Variants in RPTOR observed in about 807,000 individuals in gnomAD.
RPTOR encodes the protein regulatory associated protein of MTOR complex 1.
In RPTOR, 21 loss-of-function variants were observed where a neutral mutation model predicts 169.9. The ratio of observed to expected loss-of-function variants is 0.12; its 90% CI spans 0.09 to 0.18. The LOEUF is 0.18. Ranked by LOEUF, RPTOR falls within the 10% of genes least tolerant of loss-of-function variation. The probability of loss-of-function intolerance (pLI) is 1.00; values close to 1 mark genes in which losing one functional copy is unlikely to be tolerated. For synonymous variants in RPTOR, 732 were observed against 753.2 expected (o/e 0.97, Z 0.46); for missense variants, 1,133 against 1,855.9 (o/e 0.61, Z 7.16).
intron 14 of RPTOR, among the ~76,000 whole-genome samples, chr17:80,880,835 C>T (rs2068179111): frequency 6.6e-6 from 1 of 152,134 alleles, no homozygotes; most frequent in South Asian, 2.1e-4. Flanking sequence ...GTGAGCGCCG[C>T]ACGTCTGTAA....
At chr17:80,862,197 G>A (rs1942338709) in intron 13 of RPTOR, among the ~76,000 whole-genome samples, 2 of 152,142 alleles carry the variant, frequency 1.3e-5, no homozygotes, top group South Asian at 4.1e-4. Flanking sequence ...ACTGCCTGCA[G>A]GCATCACAGG....
intron 9 of RPTOR, among the ~76,000 whole-genome samples, chr17:80,829,701 TCTCAGGATGCTTCCCCCA>T (rs1405988593): frequency 1.3e-5 from 2 of 152,246 alleles, no homozygotes; most frequent in East Asian, 3.9e-4. Context: ...TGTGGCCGAG[TCTCAGGATGCTTCCCCCA>T]CTCTTCTTCC....
At position 80,952,343 on chromosome 17, in the gene RPTOR, C is replaced by T. The variant is rs752149752; in HGVS notation, c.3370+2796C>T. ...GCTCTCCATCTTCGTCAGGTGCTCA[C>T]GGAGGGCCCACAGCACATCTGATCT... On this transcript the variant is annotated intron_variant, in intron 28 of 33. Coordinates refer to ENST00000306801, the MANE Select transcript of RPTOR (RefSeq NM_020761.3). 1.0e-3 allele frequency among the ~76,000 whole-genome samples: 156 copies of T among 152,204 alleles called. 1 individual carries two copies. Among genetic ancestry groups the T allele is most frequent in the Non-Finnish European group, 1.8e-3 (122 of 68,034 alleles).
rs540740191 is a variant in RPTOR, at chr17:80,841,282, C to A, written c.1212+3285C>A. Among the ~76,000 whole-genome samples, 21 of 112,198 alleles carry A rather than the reference C, an allele frequency of 1.9e-4. 5 individuals carry two copies. The highest frequency in any genetic ancestry group is 3.5e-4 in the Admixed American group (4 of 11,492). The allele number at this position is 112,198 out of a possible 152,430, so 73.6% of individuals were successfully genotyped here. A position where few individuals can be genotyped will look rare whatever the true frequency, so the allele number is the denominator to read the frequency against. ...CGCACCGCAGCTCACTCTCACCGCACGGCAGCTCACTCTCACAGCACGGCA... is the reference window on the plus strand; with the variant it reads ...CGCACCGCAGCTCACTCTCACCGCAAGGCAGCTCACTCTCACAGCACGGCA... On this transcript the variant is annotated intron_variant, in intron 10 of 33. Coordinates refer to ENST00000306801, the MANE Select transcript of RPTOR (RefSeq NM_020761.3).
At chr17:80,710,038 A>G (rs912369503) in intron 4 of RPTOR, among the ~76,000 whole-genome samples, 4 of 151,092 alleles carry the variant, frequency 2.6e-5, no homozygotes, top group African/African-American at 9.8e-5. Context: ...GTACAGTGGC[A>G]TGATCATGGC....
intron 1 of RPTOR, among the ~76,000 whole-genome samples, chr17:80,616,886 A>G (rs934911099): frequency 3.9e-5 from 6 of 152,198 alleles, no homozygotes; most frequent in African/African-American, 1.4e-4. Context: ...AGTGTGCCCA[A>G]TACTGCCAGC....
At position 80,960,381 on chromosome 17, in the gene RPTOR, G is replaced by T. The variant is rs554609479; in HGVS notation, c.3605+176G>T. 6.6e-6 allele frequency among the ~76,000 whole-genome samples: 1 copy of T among 152,316 alleles called. No homozygotes were observed. Among genetic ancestry groups the T allele is most frequent in the East Asian group, 1.9e-4 (1 of 5,188 alleles). On this transcript the variant is annotated intron_variant, in intron 30 of 33. Transcript: ENST00000306801. This position sits in a 1 kb window ranked among gnomAD's most constrained non-coding sequence, Gnocchi z 4.8. ...TGGGCTCCCCAAAGCCGCCAGGCCC[G>T]TCCCACTGAGGCCCATCCCACAAAG...
chr17:80,601,504 C>T (rs1357520518), intron 1 of RPTOR, among the ~76,000 whole-genome samples: 1 of 147,976 alleles, frequency 6.8e-6, no homozygotes, highest in Non-Finnish European at 1.5e-5. Context: ...CTTTAAACTT[C>T]CCTGGCAGAT....
chr17:80,679,975 C>G (rs1454497927), intron 3 of RPTOR, among the ~76,000 whole-genome samples: 1 of 151,980 alleles, frequency 6.6e-6, no homozygotes, highest in Non-Finnish European at 1.5e-5. Flanking sequence ...AGGAAGACCT[C>G]CCCCAGAGTC....
At chr17:80,631,342 G>T (rs1211324381) in intron 2 of RPTOR, among the ~76,000 whole-genome samples, 1 of 152,094 alleles carries the variant, frequency 6.6e-6, no homozygotes, top group Non-Finnish European at 1.5e-5. Flanking sequence ...CATGAAGTGG[G>T]GGTGCAGTGG....
At chr17:80,815,281 T>A (rs2067311522) in intron 7 of RPTOR, among the ~76,000 whole-genome samples, 1 of 152,102 alleles carries the variant, frequency 6.6e-6, no homozygotes, top group Admixed American at 6.5e-5. Flanking sequence ...GAGCTGTCGC[T>A]CCAACTCAGA....
intron 20 of RPTOR, among the ~76,000 whole-genome samples, chr17:80,897,081 A>G (rs1223892072): frequency 6.9e-6 from 1 of 144,680 alleles, no homozygotes; most frequent in African/African-American, 2.6e-5. Flanking sequence ...CCCGGCCAAC[A>G]TGGTGAAACC....
At chr17:80,914,627 G>T (rs1373783165) in intron 21 of RPTOR, among the ~76,000 whole-genome samples, 1 of 152,246 alleles carries the variant, frequency 6.6e-6, no homozygotes, top group East Asian at 1.9e-4. Flanking sequence ...AGGTGCTGTT[G>T]CAACCAGCCG....
chr17:80,752,643 G>A (rs1295801056), intron 5 of RPTOR, among the ~76,000 whole-genome samples: 1 of 152,214 alleles, frequency 6.6e-6, no homozygotes, highest in African/African-American at 2.4e-5. Context: ...TAGGTAGCCA[G>A]GGAAAGGAAT....
intron 5 of RPTOR, among the ~76,000 whole-genome samples, chr17:80,744,055 C>CCCTGGTTACGAGCACTGT (rs2066528601): frequency 3.1e-5 from 2 of 64,510 alleles, no homozygotes; most frequent in Non-Finnish European, 7.7e-5. Context: ...ACTAGCACAG[C>CCCTGGTTACGAGCACTGT]CCTGGCTACT....
At chr17:80,884,965 G>A in intron 16 of RPTOR, 43 bp from the exon 17 acceptor site, 1 of 1,585,230 alleles carries the variant, frequency 6.3e-7, no homozygotes, top group Non-Finnish European at 8.6e-7. Flanking sequence ...GCTGCAGCAT[G>A]GCCCGGTGTG....
intron 3 of RPTOR, among the ~76,000 whole-genome samples, chr17:80,655,997 C>T (rs1211089825): frequency 6.6e-6 from 1 of 152,034 alleles, no homozygotes; most frequent in Non-Finnish European, 1.5e-5. Flanking sequence ...CTTAGTCGTT[C>T]TCATTTTCCT....
At chr17:80,841,291 AC>A in intron 10 of RPTOR, among the ~76,000 whole-genome samples, 1 of 95,142 alleles carries the variant, frequency 1.1e-5, no homozygotes, top group Non-Finnish European at 2.1e-5. Flanking sequence ...ACGGCAGCTC[AC>A]TCTCACAGCA....
At chr17:80,915,738 G>A (rs1036885950) in intron 21 of RPTOR, among the ~76,000 whole-genome samples, 9 of 111,554 alleles carry the variant, frequency 8.1e-5, no homozygotes, top group Admixed American at 2.6e-4. Flanking sequence ...AGCAGACGTC[G>A]GGAAAACCAG....
Sources: allele counts gnomAD v4.1 joint callset (sites outside exome capture counted in the v4.1 genomes callset), GRCh38; gene constraint gnomAD v4.1.1; non-coding constraint Gnocchi (gnomAD v3.1); transcripts MANE v1.5; gene names NCBI Gene and HGNC (gene_info 2026-07-23, HGNC 2026-07-21).